NCOA6: variants seen among roughly 807,000 people sequenced by gnomAD.
NCOA6 encodes the protein nuclear receptor coactivator 6, also known as NRC RAP250.
In NCOA6, 49 loss-of-function variants were observed where a neutral mutation model predicts 171.4. The observed-to-expected ratio is 0.29, with a 90% CI of 0.23 to 0.36. NCOA6 has a LOEUF of 0.36. Ranked by LOEUF, NCOA6 falls within the 10% of genes least tolerant of loss-of-function variation. NCOA6 has a pLI of 1.00. For missense variants in NCOA6, 2,248 were observed against 2,554.5 expected, an observed-to-expected ratio of 0.88 and a Z score of 2.59; for synonymous variants, 910 against 927.5, an observed-to-expected ratio of 0.98 and a Z score of 0.34.
chr20:34,798,213 G>A (rs527250056), intron 1 of NCOA6, among the ~76,000 whole-genome samples: 77 of 152,300 alleles, frequency 5.1e-4, no homozygotes, highest in Middle Eastern at 3.4e-3. Context: ...GGTGGCGGCC[G>A]TAGGGAAAGA....
chr20:34,731,302 G>A (rs1379086071), intron 13 of NCOA6, among the ~76,000 whole-genome samples: 13 of 152,366 alleles, frequency 8.5e-5, no homozygotes, highest in African/African-American at 2.2e-4. Flanking sequence ...TTACAGGCGT[G>A]AGCCACTGCA....
At chr20:34,781,202 G>A (rs896294154) in intron 3 of NCOA6, among the ~76,000 whole-genome samples, 1 of 152,126 alleles carries the variant, frequency 6.6e-6, no homozygotes, top group Non-Finnish European at 1.5e-5. Flanking sequence ...AAAAACAACA[G>A]CTTCCGTCCA....
At chr20:34,813,376 G>A (rs963939783) in intron 1 of NCOA6, among the ~76,000 whole-genome samples, 6 of 151,506 alleles carry the variant, frequency 4.0e-5, no homozygotes, top group African/African-American at 1.5e-4. Context: ...TGAGGCAGGA[G>A]AAACGCTTGA....
chr20:34,777,667 G>C (rs984837319), intron 3 of NCOA6, among the ~76,000 whole-genome samples: 2 of 150,568 alleles, frequency 1.3e-5, no homozygotes, highest in African/African-American at 2.4e-5. Flanking sequence ...GAATGTAAAA[G>C]GATACAAGCT....
At chr20:34,761,405 C>G (rs2076813742) in intron 5 of NCOA6, among the ~76,000 whole-genome samples, 1 of 151,324 alleles carries the variant, frequency 6.6e-6, no homozygotes, top group South Asian at 2.1e-4. Context: ...ATCAGGATTG[C>G]TTTTTTAAAT....
intron 14 of NCOA6, among the ~76,000 whole-genome samples, chr20:34,723,810 C>T (rs1254700652): frequency 1.3e-5 from 2 of 152,208 alleles, no homozygotes; most frequent in Non-Finnish European, 2.9e-5. Flanking sequence ...CCAGTTGCTT[C>T]TTAGATTCTT....
chr20:34,787,303 C>T (rs927658669), intron 2 of NCOA6, among the ~76,000 whole-genome samples: 4 of 151,832 alleles, frequency 2.6e-5, no homozygotes, highest in Non-Finnish European at 4.4e-5. Context: ...GTTGGAGGAT[C>T]ATTTGAGCCC....
chr20:34,739,952 T>G (rs955166585), intron 11 of NCOA6, among the ~76,000 whole-genome samples: 2 of 152,124 alleles, frequency 1.3e-5, no homozygotes, highest in African/African-American at 4.8e-5. Flanking sequence ...CAACCTCTGC[T>G]CCCAGGTTCA....
intron 1 of NCOA6, among the ~76,000 whole-genome samples, chr20:34,824,810 A>G (rs1369113930): frequency 6.6e-6 from 1 of 152,058 alleles, no homozygotes; most frequent in African/African-American, 2.4e-5. Flanking sequence ...CAGCTTTGCA[A>G]TTCAGCCCCA....
intron 2 of NCOA6, among the ~76,000 whole-genome samples, chr20:34,785,260 T>C (rs544554672): frequency 6.6e-6 from 1 of 152,024 alleles, no homozygotes; most frequent in South Asian, 2.1e-4. Context: ...ATTATATCCT[T>C]TTCTAGTGCT....
intron 1 of NCOA6, chr20:34,820,160 C>G (rs1459234228): frequency 6.6e-6 from 1 of 151,478 alleles, no homozygotes; most frequent in Non-Finnish European, 1.5e-5. Flanking sequence ...ACTTTGTGGA[C>G]TGCTTGAGCT....
intron 1 of NCOA6, among the ~76,000 whole-genome samples, chr20:34,824,939 G>T (rs1222350585): frequency 6.6e-6 from 1 of 152,022 alleles, no homozygotes; most frequent in Non-Finnish European, 1.5e-5. Context: ...GCCTGAGCTT[G>T]GCCCCCATGC....
rs912962677 is a variant in NCOA6 at position 34,822,385 on chromosome 20, T to C, written c.-164+3087A>G. ...TGCTCCAGCCACATTCAGTTATTAA[T>C]ACATTCCCTGAAAACGTGTCTTTAC... On this transcript the variant is annotated intron_variant, in intron 1 of 14. Transcript: ENST00000359003. 3.9e-5 allele frequency among the ~76,000 whole-genome samples: 6 copies of C among 152,274 alleles called. No individual in the cohort carries two copies. The Middle Eastern group carries it at 0.014, about 345-fold the overall frequency.
intron 4 of NCOA6, among the ~76,000 whole-genome samples, chr20:34,774,608 C>T (rs1049333278): frequency 1.3e-5 from 2 of 152,122 alleles, no homozygotes; most frequent in African/African-American, 2.4e-5. Context: ...TTAGGTTCTA[C>T]GTAAGCACAG....
chr20:34,762,689 T>C (rs1700449441), intron 5 of NCOA6, among the ~76,000 whole-genome samples: 1 of 152,208 alleles, frequency 6.6e-6, no homozygotes, highest in Non-Finnish European at 1.5e-5. Context: ...TCAATGCTTA[T>C]TTAGATTTAC....
At chr20:34,716,239 CTG>C (rs1449765678) in intron 14 of NCOA6, among the ~76,000 whole-genome samples, 6 of 131,578 alleles carry the variant, frequency 4.6e-5, no homozygotes, top group Non-Finnish European at 7.9e-5. Flanking sequence ...AAAAAAAAGA[CTG>C]TGGATACATA....
At chr20:34,822,417 G>T (rs2079033901) in intron 1 of NCOA6, among the ~76,000 whole-genome samples, 1 of 152,132 alleles carries the variant, frequency 6.6e-6, no homozygotes, top group African/African-American at 2.4e-5. Flanking sequence ...TTACCTGAAA[G>T]GCCCTTCTCT....
intron 13 of NCOA6, among the ~76,000 whole-genome samples, chr20:34,728,434 G>C (rs971274403): frequency 6.6e-6 from 1 of 152,130 alleles, no homozygotes; most frequent in African/African-American, 2.4e-5. Flanking sequence ...TTGCTTCTTA[G>C]GGGACATTTA....
At chr20:34,800,280 AAAAG>A (rs1014017101) in intron 1 of NCOA6, among the ~76,000 whole-genome samples, 13 of 152,158 alleles carry the variant, frequency 8.5e-5, no homozygotes, top group Admixed American at 1.3e-4. Flanking sequence ...CACCTTCACT[AAAAG>A]AAAGACAGGA....
Sources: gnomAD v4.1 joint callset for allele counts (sites outside exome capture counted in the v4.1 genomes callset) on GRCh38, gnomAD v4.1.1 for gene constraint, MANE v1.5 for transcripts, NCBI Gene and HGNC (gene_info 2026-07-23, HGNC 2026-07-21) for gene names.